The following FREM1 variants were observed in gnomAD, a reference collection of about 807,000 sequenced individuals.
The protein encoded by FREM1 is FRAS1-related extracellular matrix protein 1.
A neutral mutation model predicts 210.1 loss-of-function variants in FREM1; 220 were observed. The ratio of observed to expected loss-of-function variants is 1.05; its 90% CI spans 0.94 to 1.17. The LOEUF (loss-of-function observed/expected upper bound fraction) is 1.17. Among genes scored for constraint, FREM1 ranks in the 50% most tolerant of loss-of-function variants. FREM1 has a pLI of 0.00. For synonymous variants in FREM1, 1,189 were observed against 980.2 expected, an observed-to-expected ratio of 1.21 and a Z score of -3.98; for missense variants, 3,454 against 2,675.5, an observed-to-expected ratio of 1.29 and a Z score of -6.42.
chr9:14,898,049 AAGG>A (rs1013805394), intron 1 of FREM1, among the ~76,000 whole-genome samples: 67 of 152,324 alleles, frequency 4.4e-4, no homozygotes, highest in Admixed American at 2.5e-3. Context: ...AGTGCTAAAA[AAGG>A]AGGATGAGAG....
At chr9:14,777,839 G>A (rs960249900) in intron 24 of FREM1, among the ~76,000 whole-genome samples, 1 of 152,102 alleles carries the variant, frequency 6.6e-6, no homozygotes, top group Admixed American at 6.6e-5. Context: ...GCCTGCCTGC[G>A]ACCACGGACT....
In FREM1 at chr9:14,905,992, C is replaced by T. The variant is rs189220030; in HGVS notation, c.-268+3922G>A. Among the ~76,000 whole-genome samples the T allele has an allele frequency of 1.1e-3, 160 of 152,262 alleles. 2 individuals carry two copies. The highest frequency in any genetic ancestry group is 3.8e-3 in the African/African-American group (157 of 41,562). ...TGGGTTGAGATCTGTTCTCCCCAGA[C>T]ATTGGGATCTGGAATGTAACTTTAT... On this transcript the variant is annotated intron_variant, in intron 1 of 36. Coordinates refer to ENST00000380880, the MANE Select transcript of FREM1 (RefSeq NM_001379081.2).
At position 14,873,413 on chromosome 9, in the gene FREM1, G is replaced by A. The variant is rs188702822; in HGVS notation, c.-267-4169C>T. On this transcript the variant is annotated intron_variant, in intron 1 of 36. Transcript: ENST00000380880. ...TTAGTCTTCGGAGGGTGTATGTGTC[G>A]AGGAATTTATCCATTTCTTCGATAT... Among the ~76,000 whole-genome samples, 625 of 152,256 alleles carry A rather than the reference G, an allele frequency of 4.1e-3. 7 individuals carry two copies. The highest frequency in any genetic ancestry group is 0.014 in the African/African-American group (596 of 41,546).
intron 1 of FREM1, among the ~76,000 whole-genome samples, chr9:14,876,154 GC>G (rs1168056219): frequency 1.3e-5 from 2 of 152,120 alleles, no homozygotes; most frequent in African/African-American, 4.8e-5. Flanking sequence ...GAGGCAGTCT[GC>G]CCATTCTCAG....
chr9:14,795,876 C>A lies in FREM1; in HGVS notation c.3839+1622G>T, dbSNP rs544069432. Among the ~76,000 whole-genome samples, 263 of 152,244 alleles carry A rather than the reference C, an allele frequency of 1.7e-3. 1 individual carries two copies. Among genetic ancestry groups the A allele is most frequent in the African/African-American group, 6.0e-3 (248 of 41,554 alleles). On this transcript the variant is annotated intron_variant, in intron 21 of 36. Coordinates refer to ENST00000380880, the MANE Select transcript of FREM1 (RefSeq NM_001379081.2). Reference sequence around the variant, plus strand: ...AGTTTTTACCCCTCTCCAGTGGATGCCCCGGGGCCCTCACCCTGCCAGCTT... The same window carrying A: ...AGTTTTTACCCCTCTCCAGTGGATGACCCGGGGCCCTCACCCTGCCAGCTT...
At chr9:14,849,977 G>C (rs368240126) in intron 6 of FREM1, among the ~76,000 whole-genome samples, 1 of 152,182 alleles carries the variant, frequency 6.6e-6, no homozygotes, top group East Asian at 1.9e-4. Flanking sequence ...GCAAAGCATA[G>C]CGTTTATAGC....
chr9:14,745,923 G>T (rs980546163), intron 35 of FREM1, among the ~76,000 whole-genome samples: 1 of 152,106 alleles, frequency 6.6e-6, no homozygotes, highest in African/African-American at 2.4e-5. Context: ...ACGTTATAAG[G>T]CTTTTCATTA....
intron 3 of FREM1, among the ~76,000 whole-genome samples, chr9:14,861,015 A>T (rs1222116078): frequency 9.5e-6 from 1 of 105,614 alleles, no homozygotes; most frequent in East Asian, 2.5e-4. Flanking sequence ...ATATATACAT[A>T]TATACACATA....
intron 1 of FREM1, among the ~76,000 whole-genome samples, chr9:14,882,912 CAAAAA>C (rs71323913): frequency 0.012 from 539 of 45,440 alleles, 35 homozygotes; most frequent in African/African-American, 0.048. Flanking sequence ...GACTCCATCT[CAAAAA>C]AAAAAAAAAA....
intron 9 of FREM1, 22 bp from the exon 10 acceptor site, chr9:14,841,611 A>G (rs1226083542): frequency 1.9e-6 from 3 of 1,545,422 alleles, no homozygotes; most frequent in African/African-American, 2.7e-5. Flanking sequence ...ATAAAACACC[A>G]CATACTTTTG....
chr9:14,865,253 C>G (rs533345077), intron 2 of FREM1, among the ~76,000 whole-genome samples: 4 of 152,290 alleles, frequency 2.6e-5, no homozygotes, highest in African/African-American at 4.8e-5. Context: ...TTAGTGCTAA[C>G]CTGGGGTGCT....
intron 7 of FREM1, among the ~76,000 whole-genome samples, chr9:14,847,848 T>C (rs1826971976): frequency 6.6e-6 from 1 of 152,172 alleles, no homozygotes; most frequent in South Asian, 2.1e-4. Context: ...TCCTAAACTT[T>C]AGGTTACTGA....
In FREM1 at chr9:14,747,707, T is replaced by G. The variant is rs866115618; in HGVS notation, c.5818A>C (p.Arg1940=). ...TTATAGATGATGTCTGTTCCATTTC[T>G]ATAAACAGAGGATGGACGAACCTGA... The part of the protein sequence containing the change: ...GKTVRPSSVY[R]NGTDIIYNYH... The change falls in exon 32 of 37, where the codon AGA becomes CGA. Residue 1940 remains arginine, a synonymous_variant. Coordinates refer to ENST00000380880, the MANE Select transcript of FREM1 (RefSeq NM_001379081.2). The G allele has an allele frequency of 4.5e-6, 7 of 1,543,446 alleles. No homozygotes were observed. Among genetic ancestry groups the G allele is most frequent in the Admixed American group, 2.0e-5 (1 of 50,194 alleles).
At position 14,776,042 on chromosome 9, in the gene FREM1, G is replaced by A; in HGVS notation, c.4604C>T (p.Pro1535Leu). The change falls in exon 25 of 37, where the codon CCT becomes CTT. Residue 1535 changes from proline (P) to leucine (L), a missense_variant. By Grantham distance (98) the Pro-to-Leu change is moderately conservative. Coordinates refer to ENST00000380880, the MANE Select transcript of FREM1 (RefSeq NM_001379081.2). ...GGTGAGGTTCTCCGCAGGTGTATCA[G>A]GGTCGGTCAGCTGAAGGAGGTCAGG... ...LSPDLLQLTD[P>L]DTPAENLTFL... The A allele has an allele frequency of 1.2e-6, 2 of 1,614,004 alleles. No homozygotes were observed. Among genetic ancestry groups the A allele is most frequent in the Non-Finnish European group, 1.7e-6 (2 of 1,179,862 alleles).
intron 1 of FREM1, among the ~76,000 whole-genome samples, chr9:14,880,255 G>A (rs914624053): frequency 6.6e-6 from 1 of 152,058 alleles, no homozygotes; most frequent in Non-Finnish European, 1.5e-5. Flanking sequence ...AGCCTGAGCA[G>A]ACTCAAACAG....
chr9:14,766,957 A>G (rs1298404166), intron 27 of FREM1, among the ~76,000 whole-genome samples: 1 of 152,230 alleles, frequency 6.6e-6, no homozygotes, highest in Non-Finnish European at 1.5e-5. Flanking sequence ...TATTGTACCT[A>G]CATGAATTAA....
intron 35 of FREM1, among the ~76,000 whole-genome samples, chr9:14,740,919 T>A (rs187371164): frequency 6.6e-6 from 1 of 152,290 alleles, no homozygotes; most frequent in Admixed American, 6.5e-5. Context: ...CCAGCAGTGC[T>A]CATTAAAACC....
chr9:14,821,751 A>C (rs1821356588), intron 13 of FREM1, among the ~76,000 whole-genome samples: 1 of 152,196 alleles, frequency 6.6e-6, no homozygotes, highest in African/African-American at 2.4e-5. Context: ...GGGGGCTTAG[A>C]TGGTCTGGAG....
At chr9:14,777,819 G>A (rs994908794) in intron 24 of FREM1, among the ~76,000 whole-genome samples, 1 of 152,100 alleles carries the variant, frequency 6.6e-6, no homozygotes, top group African/African-American at 2.4e-5. Context: ...TGAAAGCAAC[G>A]AGTCAACCAG....
Sources: allele counts gnomAD v4.1 joint callset (sites outside exome capture counted in the v4.1 genomes callset), GRCh38; gene constraint gnomAD v4.1.1; transcripts MANE v1.5; gene names NCBI Gene and HGNC (gene_info 2026-07-23, HGNC 2026-07-21).